Variants in GADL1 observed in about 807,000 individuals in gnomAD.
GADL1 encodes the protein acidic amino acid decarboxylase GADL1.
A neutral mutation model predicts 69.5 loss-of-function variants in GADL1; 71 were observed. That is an observed-to-expected ratio of 1.02 (90% CI 0.84 to 1.25). The LOEUF (loss-of-function observed/expected upper bound fraction) is 1.25, where lower values mean the gene tolerates loss of function less well. Among genes scored for constraint, GADL1 ranks in the 50% most tolerant of loss-of-function variants. The pLI is 0.00. For synonymous variants in GADL1, 254 were observed against 214.4 expected, an observed-to-expected ratio of 1.18 and a Z score of -1.62; for missense variants, 737 against 631.8, an observed-to-expected ratio of 1.17 and a Z score of -1.79.
At position 30,844,459 on chromosome 3, in the gene GADL1, T is replaced by C. The variant is rs746639627; in HGVS notation, c.659A>G (p.Tyr220Cys). ...AAAAGAGGCTGCCTTCTTCATAGAG[T>C]AATGACACTGAATTCAAAGGGACAG... ...LILFTSAECHYSMKKAASFLG... is the reference protein window; with the variant it reads ...LILFTSAECHCSMKKAASFLG... Residue 220 changes from tyrosine to cysteine, a missense_variant, in exon 7 of 15, where the codon TAC becomes TGC. Physicochemically the swap from Tyr to Cys is radical, Grantham distance 194 (BLOSUM62 -2). Coordinates refer to ENST00000282538, the MANE Select transcript of GADL1 (RefSeq NM_207359.3). 5 of 1,607,228 alleles carry C rather than the reference T, an allele frequency of 3.1e-6. No homozygotes were observed. The highest frequency in any genetic ancestry group is 1.1e-5 in the South Asian group (1 of 90,904).
In GADL1 at chr3:30,876,960, T is replaced by A. The variant is rs545342176; in HGVS notation, c.38-15195A>T. 3.9e-5 allele frequency among the ~76,000 whole-genome samples: 6 copies of A among 152,002 alleles called. No individual in the cohort carries two copies. The East Asian group carries it at 1.2e-3, about 30-fold the overall frequency. On this transcript the variant is annotated intron_variant, in intron 1 of 14. Transcript: ENST00000282538. ...CACCTTACAAACTAACTAACCACAC[T>A]CTAATTCTTGATTCAGAGTCTGATT...
In GADL1 at chr3:30,727,184, T is replaced by G. The variant is rs1441441214; in HGVS notation, c.*1058A>C. 1 of 149,078 alleles carries G rather than the reference T, an allele frequency of 6.7e-6. No individual in the cohort carries two copies. Among genetic ancestry groups the G allele is most frequent in the Non-Finnish European group, 1.5e-5 (1 of 67,462 alleles). 9.2% of individuals were successfully genotyped at this position (149,078 alleles called of 1,614,324 possible). On this transcript the variant is annotated 3_prime_UTR_variant, in exon 15 of 15. Coordinates refer to ENST00000282538, the MANE Select transcript of GADL1 (RefSeq NM_207359.3). ...CACAGAAACATATATATTTCCCAAATTTTTCTTAAAAAGCACCCCAGTTCA... is the reference window on the plus strand; with the variant it reads ...CACAGAAACATATATATTTCCCAAAGTTTTCTTAAAAAGCACCCCAGTTCA...
At chr3:30,767,443 G>A (rs1337423403) in intron 14 of GADL1, among the ~76,000 whole-genome samples, 2 of 152,026 alleles carry the variant, frequency 1.3e-5, no homozygotes, top group African/African-American at 2.4e-5. Context: ...AGAACAGATT[G>A]GAAAACTGAA....
intron 9 of GADL1, 79 bp from the exon 10 acceptor site, chr3:30,834,360 C>T: frequency 1.8e-6 from 2 of 1,082,470 alleles, no homozygotes; most frequent in African/African-American, 1.6e-5. Context: ...AGAAAACCCT[C>T]AGTGAGGACC....
intron 14 of GADL1, among the ~76,000 whole-genome samples, chr3:30,774,334 T>C (rs1696486211): frequency 1.3e-5 from 2 of 152,198 alleles, no homozygotes; most frequent in Admixed American, 6.5e-5. Flanking sequence ...GTTATAATTA[T>C]TCAAGCGCAG....
chr3:30,759,147 C>A (rs544038013), intron 14 of GADL1, among the ~76,000 whole-genome samples: 2 of 152,128 alleles, frequency 1.3e-5, no homozygotes, highest in Admixed American at 1.3e-4. Flanking sequence ...ATCCACAATT[C>A]GACAGGCCTC....
At chr3:30,781,337 G>GGT (rs1214129944) in intron 13 of GADL1, among the ~76,000 whole-genome samples, 2 of 152,162 alleles carry the variant, frequency 1.3e-5, no homozygotes, top group Non-Finnish European at 2.9e-5. Flanking sequence ...TGGTCACTAA[G>GGT]GTAGCAGCTC....
At chr3:30,865,432 G>A (rs910712450) in intron 1 of GADL1, among the ~76,000 whole-genome samples, 3 of 151,920 alleles carry the variant, frequency 2.0e-5, no homozygotes, top group Non-Finnish European at 4.4e-5. Context: ...GGAGTTTGAT[G>A]AACATTTTTT....
Position 30,728,341 on chromosome 3 carries a change from C to T in GADL1, c.1467G>A (p.Lys489=), listed in dbSNP as rs752670417. The T allele has an allele frequency of 6.8e-6, 11 of 1,613,810 alleles. No homozygotes were observed. In the East Asian group the frequency reaches 8.9e-5, roughly 13 times the overall value. Residue 489 remains lysine (K), a synonymous_variant, in exon 15 of 15, where the codon AAG becomes AAA. Coordinates refer to ENST00000282538, the MANE Select transcript of GADL1 (RefSeq NM_207359.3). ...TCACCACCTGGCGGAAGAAGTTGACCTTTCCCCGGTGCGGCTGGTAGCCCA... is the reference window on the plus strand; with the variant it reads ...TCACCACCTGGCGGAAGAAGTTGACTTTTCCCCGGTGCGGCTGGTAGCCCA... ...LMLGYQPHRG[K]VNFFRQVVIS...
intron 1 of GADL1, among the ~76,000 whole-genome samples, chr3:30,883,746 C>T (rs755979458): frequency 5.9e-5 from 9 of 151,908 alleles, no homozygotes; most frequent in Non-Finnish European, 1.2e-4. Context: ...GCATGGACGT[C>T]TTAATAATAC....
chr3:30,841,269 T>C (rs1395843229), intron 8 of GADL1, among the ~76,000 whole-genome samples: 1 of 152,216 alleles, frequency 6.6e-6, no homozygotes, highest in African/African-American at 2.4e-5. Context: ...TGAGGAGACG[T>C]ACTAACTCTA....
chr3:30,737,830 A>G (rs549901593), intron 14 of GADL1, among the ~76,000 whole-genome samples: 1 of 152,316 alleles, frequency 6.6e-6, no homozygotes, highest in Non-Finnish European at 1.5e-5. Context: ...GAACTGCCTC[A>G]TTCATGTTCT....
At chr3:30,855,929 C>CAAAAA (rs370368623) in intron 3 of GADL1, among the ~76,000 whole-genome samples, 153 of 124,078 alleles carry the variant, frequency 1.2e-3, no homozygotes, top group African/African-American at 3.8e-3. Context: ...TCTGATCTGG[C>CAAAAA]AAAAAAAAAA....
chr3:30,885,517 A>G (rs1698691593), intron 1 of GADL1, among the ~76,000 whole-genome samples: 1 of 152,126 alleles, frequency 6.6e-6, no homozygotes, highest in Non-Finnish European at 1.5e-5. Flanking sequence ...GACAGAAACA[A>G]TACAAACTCA....
At chr3:30,818,049 T>C (rs1381399591) in intron 11 of GADL1, among the ~76,000 whole-genome samples, 1 of 152,180 alleles carries the variant, frequency 6.6e-6, no homozygotes, top group African/African-American at 2.4e-5. Flanking sequence ...AAGATATTCA[T>C]TGTAGACACA....
rs1023746738 is a variant in GADL1 at position 30,884,101 on chromosome 3, TGA to T, written c.37+10475_37+10476del. 2.5e-4 allele frequency among the ~76,000 whole-genome samples: 38 copies of T among 151,822 alleles called. 1 individual carries two copies. Among genetic ancestry groups the T allele is most frequent in the Admixed American group, 6.6e-5 (1 of 15,216 alleles). On this transcript the variant is annotated intron_variant, in intron 1 of 14. Transcript: ENST00000282538. The stretch of plus-strand genomic sequence containing the variant: ...CTGCCAATAAGGAACAGGAAGGGAA[TGA>T]GAGGGATGCATTCCATATGATCTTG...
intron 13 of GADL1, among the ~76,000 whole-genome samples, chr3:30,780,145 A>C (rs1696627141): frequency 6.6e-6 from 1 of 152,162 alleles, no homozygotes; most frequent in African/African-American, 2.4e-5. Context: ...CAAAGGAGAG[A>C]GATGCCAGCT....
chr3:30,747,501 T>C (rs1371239195), intron 14 of GADL1, among the ~76,000 whole-genome samples: 7 of 152,216 alleles, frequency 4.6e-5, no homozygotes, highest in African/African-American at 1.7e-4. Flanking sequence ...AAAGGATAAA[T>C]TCACATCTAC....
chr3:30,821,932 C>A (rs985448435), intron 11 of GADL1, among the ~76,000 whole-genome samples: 2 of 152,022 alleles, frequency 1.3e-5, no homozygotes, highest in Non-Finnish European at 2.9e-5. Flanking sequence ...AATTCCTCTA[C>A]TTTTCTCCTC....
Sources: gnomAD v4.1 joint callset for allele counts (sites outside exome capture counted in the v4.1 genomes callset) on GRCh38, gnomAD v4.1.1 for gene constraint, MANE v1.5 for transcripts, NCBI Gene and HGNC (gene_info 2026-07-23, HGNC 2026-07-21) for gene names.